The following ARL15 variants were observed in gnomAD, a reference collection of about 807,000 sequenced individuals.
The protein encoded by ARL15 is ARF like GTPase 15.
Under a neutral mutation model 25.2 loss-of-function variants are expected in ARL15, and 19 were observed. The observed-to-expected ratio is 0.75, with a 90% CI of 0.53 to 1.10. The LOEUF (loss-of-function observed/expected upper bound fraction) is 1.10. Ranked by LOEUF, ARL15 falls within the 50% of genes least tolerant of loss-of-function variation. The pLI is 0.00. For missense variants in ARL15, 220 were observed against 246.0 expected, an observed-to-expected ratio of 0.89 and a Z score of 0.71; for synonymous variants, 94 against 86.8, an observed-to-expected ratio of 1.08 and a Z score of -0.46.
chr5:54,071,979 GAAA>G (rs71989027), intron 4 of ARL15, among the ~76,000 whole-genome samples: 58,955 of 126,636 alleles, frequency 0.47, 12,641 homozygotes, highest in Admixed American at 0.56. Flanking sequence ...CTCAAAAAAA[GAAA>G]AAAAAAAAAA....
chr5:54,149,817 G>A (rs1032118339), intron 3 of ARL15, among the ~76,000 whole-genome samples: 1 of 152,118 alleles, frequency 6.6e-6, no homozygotes, highest in African/African-American at 2.4e-5. Context: ...TCTAGAGCAA[G>A]ACAAGCACAG....
intron 4 of ARL15, among the ~76,000 whole-genome samples, chr5:54,013,128 C>T (rs577061865): frequency 2.0e-5 from 3 of 152,280 alleles, no homozygotes; most frequent in African/African-American, 7.2e-5. Flanking sequence ...TTCTTTTATT[C>T]AATTTTAAGA....
At chr5:54,273,807 C>T (rs1757852407) in intron 1 of ARL15, among the ~76,000 whole-genome samples, 1 of 152,136 alleles carries the variant, frequency 6.6e-6, no homozygotes, top group Admixed American at 6.5e-5. Flanking sequence ...TGATCATGAC[C>T]ATGATGATGG....
chr5:53,895,490 C>A (rs1262078658), intron 4 of ARL15, among the ~76,000 whole-genome samples: 1 of 152,198 alleles, frequency 6.6e-6, no homozygotes, highest in Non-Finnish European at 1.5e-5. Context: ...TAGTACTACT[C>A]CCCATTAGGC....
intron 4 of ARL15, among the ~76,000 whole-genome samples, chr5:54,097,142 T>C (rs149892): frequency 0.88 from 134,284 of 152,172 alleles, 59,480 homozygotes; most frequent in East Asian, 0.98. Context: ...TGGTGAAACC[T>C]CGTCTGTACT....
chr5:53,969,832 T>TA (rs958961355), intron 4 of ARL15, among the ~76,000 whole-genome samples: 30 of 151,402 alleles, frequency 2.0e-4, no homozygotes, highest in East Asian at 5.8e-4. Context: ...TCTTTATTGG[T>TA]AAAAAAAAGA....
chr5:54,200,509 GAA>G (rs1755692517), intron 1 of ARL15, among the ~76,000 whole-genome samples: 1 of 144,766 alleles, frequency 6.9e-6, no homozygotes, highest in African/African-American at 2.7e-5. Context: ...CTGGCAATAA[GAA>G]ACAGGCTATA....
intron 4 of ARL15, among the ~76,000 whole-genome samples, chr5:54,065,560 G>GGGGGCTGAGGCAGGAGAATCACTT (rs1751201080): frequency 8.6e-6 from 1 of 116,576 alleles, no homozygotes; most frequent in Admixed American, 7.8e-5. Context: ...CAGCTACTCC[G>GGGGGCTGAGGCAGGAGAATCACTT]GAGGCTGAGG....
intron 4 of ARL15, among the ~76,000 whole-genome samples, chr5:54,102,019 G>GTTTT (rs11437215): frequency 6.8e-6 from 1 of 146,654 alleles, no homozygotes; most frequent in African/African-American, 2.5e-5. Flanking sequence ...TTTTTGTTTT[G>GTTTT]TTTTTTTTTT....
intron 4 of ARL15, among the ~76,000 whole-genome samples, chr5:54,021,217 C>T (rs1749590457): frequency 6.6e-6 from 1 of 152,144 alleles, no homozygotes; most frequent in South Asian, 2.1e-4. Flanking sequence ...TGCCTGTAAT[C>T]CCAGGTACTT....
intron 4 of ARL15, among the ~76,000 whole-genome samples, chr5:53,924,339 G>A (rs1235793950): frequency 6.6e-6 from 1 of 152,166 alleles, no homozygotes; most frequent in Non-Finnish European, 1.5e-5. Context: ...CAATTTTGTT[G>A]ATTACTTTTC....
At chr5:54,020,292 C>T (rs1749554688) in intron 4 of ARL15, among the ~76,000 whole-genome samples, 1 of 152,164 alleles carries the variant, frequency 6.6e-6, no homozygotes, top group Non-Finnish European at 1.5e-5. Context: ...ACTTTCACCA[C>T]CACCTTGCAG....
intron 4 of ARL15, among the ~76,000 whole-genome samples, chr5:54,109,773 T>C (rs1220234395): frequency 6.6e-6 from 1 of 151,944 alleles, no homozygotes; most frequent in Non-Finnish European, 1.5e-5. Flanking sequence ...GACATAATAA[T>C]AAATTTTTCT....
rs869196680 is a variant in ARL15 at position 54,163,356 on chromosome 5, C to CTTTTTTTTTT, written c.193+8418_193+8427dup. On this transcript the variant is annotated intron_variant, in intron 2 of 4. Transcript: ENST00000504924. ...GTCCATGAGGGCTATTGGTATGAAG[C>CTTTTTTTTTT]TTTTTTTTTTTTTTTTTTTTTTTTT... is the stretch of plus-strand genomic sequence containing the variant. 2.0e-4 allele frequency among the ~76,000 whole-genome samples: 11 copies of CTTTTTTTTTT among 55,706 alleles called. 3 individuals carry two copies. Among genetic ancestry groups the CTTTTTTTTTT allele is most frequent in the East Asian group, 5.5e-4 (1 of 1,834 alleles). The allele number at this position is 55,706 out of a possible 152,430, so 36.5% of individuals were successfully genotyped here. A position where few individuals can be genotyped will look rare whatever the true frequency, so the allele number is the denominator to read the frequency against.
At chr5:53,942,317 G>A (rs1746562526) in intron 4 of ARL15, among the ~76,000 whole-genome samples, 1 of 152,144 alleles carries the variant, frequency 6.6e-6, no homozygotes, top group South Asian at 2.1e-4. Context: ...GACCTTAAAT[G>A]TAAGATGGCA....
intron 3 of ARL15, among the ~76,000 whole-genome samples, chr5:54,145,433 A>G (rs1753875452): frequency 6.6e-6 from 1 of 152,254 alleles, no homozygotes; most frequent in Non-Finnish European, 1.5e-5. Flanking sequence ...CGTGTCAGAG[A>G]ATCAATCTAG....
chr5:53,929,791 C>T (rs1746144264), intron 4 of ARL15, among the ~76,000 whole-genome samples: 1 of 151,996 alleles, frequency 6.6e-6, no homozygotes, highest in South Asian at 2.1e-4. Context: ...AAAGTCCCCC[C>T]TACAAGGCAA....
chr5:54,055,552 G>A (rs1048058462), intron 4 of ARL15, among the ~76,000 whole-genome samples: 4 of 151,892 alleles, frequency 2.6e-5, no homozygotes, highest in African/African-American at 9.7e-5. Context: ...GTAGAGACGA[G>A]GTTTCACCAT....
intron 4 of ARL15, among the ~76,000 whole-genome samples, chr5:54,014,866 C>T (rs1202966964): frequency 2.0e-5 from 3 of 152,120 alleles, no homozygotes; most frequent in Admixed American, 6.5e-5. Flanking sequence ...CTCTGTGGTT[C>T]TGCCCTGTGT....
Sources: allele counts gnomAD v4.1 joint callset (sites outside exome capture counted in the v4.1 genomes callset), GRCh38; gene constraint gnomAD v4.1.1; transcripts MANE v1.5; gene names NCBI Gene and HGNC (gene_info 2026-07-23, HGNC 2026-07-21).